NBAS: variants seen among roughly 807,000 people sequenced by gnomAD.
NBAS encodes the protein NBAS subunit of NRZ tethering complex, also known as NAG/BC035112 fusion.
NBAS carries 219 observed loss-of-function variants against 302.5 expected under a neutral mutation model. The ratio of observed to expected loss-of-function variants is 0.72; its 90% CI spans 0.65 to 0.81. The LOEUF (loss-of-function observed/expected upper bound fraction) is 0.81, where lower values mean the gene tolerates loss of function less well. Among genes scored for constraint, NBAS ranks in the 30% least tolerant of loss-of-function variants. The pLI, the probability that NBAS is intolerant of heterozygous loss-of-function variation, is 0.00. For synonymous variants in NBAS, 1,118 were observed against 1,021.6 expected (o/e 1.09, Z -1.80); for missense variants, 2,932 against 2,841.6 (o/e 1.03, Z -0.72).
chr2:15,383,159 C>T, intron 29 of NBAS, 56 bp downstream of exon 29: 1 of 1,407,880 alleles, frequency 7.1e-7, no homozygotes, highest in Non-Finnish European at 1.0e-6. Flanking sequence ...ATCCAATAAA[C>T]CATAACAATT....
the NBAS span, among the ~76,000 whole-genome samples, chr2:14,865,720 T>C: frequency 2.6e-5 from 4 of 152,336 alleles, no homozygotes; most frequent in African/African-American, 7.2e-5. Flanking sequence ...AGAAATATAG[T>C]AATACACATA....
chr2:15,442,144 G>A (rs1678455878), intron 21 of NBAS, among the ~76,000 whole-genome samples: 1 of 127,592 alleles, frequency 7.8e-6, no homozygotes, highest in African/African-American at 2.9e-5. Flanking sequence ...ACTCAGCTCT[G>A]CACCAAGCGG....
chr2:15,516,622 C>T (rs907572526), intron 9 of NBAS, among the ~76,000 whole-genome samples: 1 of 151,532 alleles, frequency 6.6e-6, no homozygotes, highest in Non-Finnish European at 1.5e-5. Flanking sequence ...ACTCAGGATA[C>T]TGAGGCACCA....
the NBAS span, among the ~76,000 whole-genome samples, chr2:14,957,575 C>T: frequency 6.6e-6 from 1 of 152,168 alleles, no homozygotes; most frequent in South Asian, 2.1e-4. Context: ...TAATTTCAAA[C>T]TCTCCTTGGG....
chr2:15,022,947 T>C, the NBAS span, among the ~76,000 whole-genome samples: 1 of 150,136 alleles, frequency 6.7e-6, no homozygotes, highest in African/African-American at 2.5e-5. Flanking sequence ...TTTTTTTTAT[T>C]TTTTTTTGTT....
the NBAS span, among the ~76,000 whole-genome samples, chr2:15,038,592 A>G: frequency 0.82 from 125,145 of 152,024 alleles, 51,864 homozygotes; most frequent in East Asian, 1. Flanking sequence ...GCCCTCAGAC[A>G]TGTCATATTG....
chr2:15,358,645 A>G (rs1413050484), intron 32 of NBAS, among the ~76,000 whole-genome samples: 1 of 152,092 alleles, frequency 6.6e-6, no homozygotes, highest in Non-Finnish European at 1.5e-5. Flanking sequence ...GGGTCTTGCT[A>G]TATGACCCAG....
Position 15,539,497 on chromosome 2 carries a change from T to TA in NBAS, c.380-142dup, listed in dbSNP as rs201994226. On this transcript the variant is annotated intron_variant, in intron 6 of 51. Coordinates refer to ENST00000281513, the MANE Select transcript of NBAS (RefSeq NM_015909.4). ...GGATCTCTAATAAAGCTTCCCTCAA[T>TA]AAAAAAGAGCAGTTTCCAGAAACAC... is the stretch of plus-strand genomic sequence containing the variant. 2.7e-3 allele frequency: 2,838 copies of TA among 1,036,826 alleles called. 39 individuals carry two copies. In the African/African-American group the frequency reaches 0.031, roughly 11 times the overall value. The allele number at this position is 1,036,826 out of a possible 1,614,324, so 64.2% of individuals were successfully genotyped here.
chr2:14,910,013 G>A, the NBAS span, among the ~76,000 whole-genome samples: 2 of 152,172 alleles, frequency 1.3e-5, no homozygotes, highest in African/African-American at 4.8e-5. Context: ...CTTGCTCCGG[G>A]AGCTTTCTCA....
the NBAS span, among the ~76,000 whole-genome samples, chr2:15,027,779 T>C: frequency 2.0e-5 from 3 of 152,228 alleles, no homozygotes; most frequent in African/African-American, 7.2e-5. Flanking sequence ...TTCCTGTCAT[T>C]GTCATATTTA....
At chr2:15,173,976 C>A (rs1664415642) in intron 51 of NBAS, among the ~76,000 whole-genome samples, 1 of 152,200 alleles carries the variant, frequency 6.6e-6, no homozygotes, top group Non-Finnish European at 1.5e-5. Flanking sequence ...AGGCTGTGCA[C>A]AATGCATGCT....
chr2:15,303,410 TATAAGACCTGGAA>T (rs1180056551), intron 40 of NBAS, among the ~76,000 whole-genome samples: 2 of 152,084 alleles, frequency 1.3e-5, no homozygotes, highest in African/African-American at 4.8e-5. Context: ...GTACACAAAA[TATAAGACCTGGAA>T]ATAAAACACA....
At chr2:14,989,829 C>T in the NBAS span, among the ~76,000 whole-genome samples, 3 of 152,046 alleles carry the variant, frequency 2.0e-5, no homozygotes, top group Non-Finnish European at 4.4e-5. Context: ...TTACTTAGAA[C>T]AGTATTACAT....
chr2:15,151,935 C>T, the NBAS span, among the ~76,000 whole-genome samples: 1 of 152,134 alleles, frequency 6.6e-6, no homozygotes, highest in South Asian at 2.1e-4. Flanking sequence ...GCAACCTCCG[C>T]CTCCTGGGTT....
At chr2:15,065,177 G>A in the NBAS span, among the ~76,000 whole-genome samples, 1 of 152,010 alleles carries the variant, frequency 6.6e-6, no homozygotes, top group Non-Finnish European at 1.5e-5. Context: ...AAAACATCAA[G>A]TTGTACACCT....
At chr2:14,919,683 T>A in the NBAS span, among the ~76,000 whole-genome samples, 1 of 152,180 alleles carries the variant, frequency 6.6e-6, no homozygotes, top group South Asian at 2.1e-4. Context: ...TCAACAATCT[T>A]CATAGCATCC....
the NBAS span, among the ~76,000 whole-genome samples, chr2:15,133,942 G>A: frequency 6.6e-6 from 1 of 152,032 alleles, no homozygotes; most frequent in African/African-American, 2.4e-5. Flanking sequence ...ATCTGAAAAG[G>A]GGATTTTCAG....
chr2:15,376,054 G>A (rs1674719983), intron 30 of NBAS, among the ~76,000 whole-genome samples: 1 of 152,160 alleles, frequency 6.6e-6, no homozygotes, highest in Admixed American at 6.5e-5. Flanking sequence ...GAAGGATAAA[G>A]TTAGGGGAAC....
chr2:15,174,920 T>C (rs935074633), intron 51 of NBAS, among the ~76,000 whole-genome samples: 1 of 152,216 alleles, frequency 6.6e-6, no homozygotes, highest in Admixed American at 6.5e-5. Context: ...GTAATTATTG[T>C]CATCAAGGAG....
Sources: allele counts gnomAD v4.1 joint callset (sites outside exome capture counted in the v4.1 genomes callset), GRCh38; gene constraint gnomAD v4.1.1; transcripts MANE v1.5; gene names NCBI Gene and HGNC (gene_info 2026-07-23, HGNC 2026-07-21).